Variants in RARS2 observed in about 807,000 individuals in gnomAD.
RARS2 encodes probable arginine--tRNA ligase, mitochondrial.
Under a neutral mutation model 88.5 loss-of-function variants are expected in RARS2, and 67 were observed. The ratio of observed to expected loss-of-function variants is 0.76; its 90% CI spans 0.62 to 0.93. The LOEUF is 0.93. Among genes scored for constraint, RARS2 ranks in the 40% least tolerant of loss-of-function variants. The pLI, the probability that RARS2 is intolerant of heterozygous loss-of-function variation, is 0.00. For synonymous variants in RARS2, 239 were observed against 230.3 expected, an observed-to-expected ratio of 1.04 and a Z score of -0.34; for missense variants, 664 against 684.2, an observed-to-expected ratio of 0.97 and a Z score of 0.33.
chr6:87,559,615 T>C (rs1469927457), intron 4 of RARS2, among the ~76,000 whole-genome samples: 1 of 152,076 alleles, frequency 6.6e-6, no homozygotes, highest in African/African-American at 2.4e-5. Flanking sequence ...CCTCAGCCTC[T>C]CAAAGTGCTG....
rs756802604 is a variant in RARS2, at chr6:87,562,667, G to GA, written c.297+34dup. The GA allele has an allele frequency of 2.9e-5, 43 of 1,498,694 alleles. No homozygotes were observed. In the African/African-American group the frequency reaches 5.6e-4, roughly 20 times the overall value. The allele number at this position is 1,498,694 out of a possible 1,614,324, so 92.8% of individuals were successfully genotyped here. On this transcript the variant is annotated intron_variant, in intron 4 of 19. Transcript: ENST00000369536. ...CCACTGTGGCTGAAGCAGACAGAATGAAAGCACAATGGCTGGATATTAACT... is the reference window on the plus strand; with the variant it reads ...CCACTGTGGCTGAAGCAGACAGAATGAAAAGCACAATGGCTGGATATTAACT...
At chr6:87,533,681 C>T (rs1778275130) in intron 8 of RARS2, among the ~76,000 whole-genome samples, 1 of 152,176 alleles carries the variant, frequency 6.6e-6, no homozygotes, top group African/African-American at 2.4e-5. Flanking sequence ...TTAACATTCC[C>T]TTTTCACTAT....
intron 7 of RARS2, among the ~76,000 whole-genome samples, chr6:87,543,678 T>C (rs1044715961): frequency 2.6e-5 from 4 of 152,032 alleles, no homozygotes; most frequent in African/African-American, 7.3e-5. Flanking sequence ...TCTATATCAA[T>C]TACCAAGCTT....
chr6:87,573,596 T>A (rs962895370), intron 1 of RARS2, among the ~76,000 whole-genome samples: 1 of 152,156 alleles, frequency 6.6e-6, no homozygotes, highest in African/African-American at 2.4e-5. Flanking sequence ...TGGTGATGGT[T>A]GCACAATGTA....
chr6:87,522,592 G>T (rs1037979335), intron 11 of RARS2, among the ~76,000 whole-genome samples: 2 of 152,072 alleles, frequency 1.3e-5, no homozygotes, highest in Non-Finnish European at 2.9e-5. Flanking sequence ...AATGTCATTA[G>T]TACCTATCTC....
chr6:87,548,712 ATGCCTCCATACTTTGACAAAAC>A (rs1783405572), intron 5 of RARS2, 66 bp from the exon 6 acceptor site: 1 of 1,438,310 alleles, frequency 7.0e-7, no homozygotes, highest in Non-Finnish European at 9.7e-7. Flanking sequence ...CAACTAGGTC[ATGCCTCCATACTTTGACAAAAC>A]TGTGGAGTAT....
Position 87,524,645 on chromosome 6 carries a change from T to C in RARS2, c.886A>G (p.Thr296Ala). The change falls in exon 11 of 20, where the codon ACG (threonine) becomes GCG (alanine). Residue 296 changes from threonine to alanine, a missense_variant. By Grantham distance (58) the Thr-to-Ala change is moderately conservative. Transcript: ENST00000369536. ...KGLLLKTIKG[T>A]AVVDLSGNGD... ...TTCCCAGAGAGATCTACTACAGCCG[T>C]TCCTTTTCTAGAAATTCGAAAAGGT... 1 of 1,610,320 alleles carries C rather than the reference T, an allele frequency of 6.2e-7. No individual in the cohort carries two copies. Among genetic ancestry groups the C allele is most frequent in the South Asian group, 1.1e-5 (1 of 90,996 alleles).
intron 10 of RARS2, among the ~76,000 whole-genome samples, chr6:87,527,138 G>A (rs562849393): frequency 3.3e-5 from 5 of 151,920 alleles, no homozygotes; most frequent in South Asian, 2.1e-4. Flanking sequence ...GTGAAACCCC[G>A]TCTCTACTGA....
intron 13 of RARS2, 49 bp downstream of exon 13, chr6:87,520,131 C>T: frequency 6.7e-7 from 1 of 1,483,220 alleles, no homozygotes; most frequent in Admixed American, 1.7e-5. Flanking sequence ...GGTACATTTT[C>T]AGGCTCAGCT....
chr6:87,537,379 C>T (rs941440352), intron 8 of RARS2, among the ~76,000 whole-genome samples: 2 of 152,200 alleles, frequency 1.3e-5, no homozygotes, highest in Non-Finnish European at 2.9e-5. Flanking sequence ...ACTCAGGAGC[C>T]AGACTACCTG....
chr6:87,531,447 G>A (rs1165347673), intron 8 of RARS2, among the ~76,000 whole-genome samples: 2 of 152,194 alleles, frequency 1.3e-5, no homozygotes, highest in Non-Finnish European at 2.9e-5. Context: ...ACAGCTAACG[G>A]ATGATTTAGC....
At chr6:87,565,766 G>A (rs1379754186) in intron 2 of RARS2, among the ~76,000 whole-genome samples, 1 of 152,134 alleles carries the variant, frequency 6.6e-6, no homozygotes, top group Non-Finnish European at 1.5e-5. Context: ...GTTTAATATG[G>A]AACTAGAGAA....
At chr6:87,584,428 T>C (rs1031158520) in intron 1 of RARS2, among the ~76,000 whole-genome samples, 38 of 152,142 alleles carry the variant, frequency 2.5e-4, no homozygotes, top group African/African-American at 8.2e-4. Context: ...AATAGCCCTA[T>C]AAAGCAAAGC....
chr6:87,563,366 T>TA (rs1231227979), intron 3 of RARS2, among the ~76,000 whole-genome samples: 3 of 152,316 alleles, frequency 2.0e-5, no homozygotes, highest in Non-Finnish European at 2.9e-5. Context: ...AGGAACTAAA[T>TA]ACTGTATTTT....
At chr6:87,535,950 G>C (rs1349647664) in intron 8 of RARS2, among the ~76,000 whole-genome samples, 2 of 151,922 alleles carry the variant, frequency 1.3e-5, no homozygotes, top group Non-Finnish European at 2.9e-5. Flanking sequence ...CTCCCAAAGT[G>C]CTAGGATTGC....
intron 1 of RARS2, among the ~76,000 whole-genome samples, chr6:87,581,537 C>A (rs1231258311): frequency 6.6e-6 from 1 of 152,026 alleles, no homozygotes; most frequent in African/African-American, 2.4e-5. Flanking sequence ...AACTTTGGGG[C>A]TTAGAAGAGA....
chr6:87,531,849 A>T (rs1777631922), intron 8 of RARS2, among the ~76,000 whole-genome samples: 1 of 152,220 alleles, frequency 6.6e-6, no homozygotes, highest in South Asian at 2.1e-4. Context: ...ATGGACAAAT[A>T]TTTACAAATT....
chr6:87,555,100 A>AAAAAAAAT (rs1554203107), intron 5 of RARS2, among the ~76,000 whole-genome samples: 8 of 139,556 alleles, frequency 5.7e-5, no homozygotes, highest in East Asian at 2.1e-4. Flanking sequence ...CTCCGTCTCA[A>AAAAAAAAT]AAATAAATAA....
chr6:87,574,972 T>C (rs549621981), intron 1 of RARS2, among the ~76,000 whole-genome samples: 15 of 151,372 alleles, frequency 9.9e-5, no homozygotes, highest in African/African-American at 2.7e-4. Context: ...CTTAGGAAAA[T>C]TGGTGTCCTT....
Sources: gnomAD v4.1 joint callset for allele counts (sites outside exome capture counted in the v4.1 genomes callset) on GRCh38, gnomAD v4.1.1 for gene constraint, MANE v1.5 for transcripts, NCBI Gene and HGNC (gene_info 2026-07-23, HGNC 2026-07-21) for gene names.